Variants in MAP3K20 observed in about 807,000 individuals in gnomAD.
MAP3K20 encodes mitogen-activated protein kinase kinase kinase 20.
A neutral mutation model predicts 85.7 loss-of-function variants in MAP3K20; 40 were observed. The ratio of observed to expected loss-of-function variants is 0.47; its 90% confidence interval spans 0.36 to 0.61. The LOEUF (loss-of-function observed/expected upper bound fraction) is 0.61, where lower values mean the gene tolerates loss of function less well. Ranked by LOEUF, MAP3K20 falls within the 20% of genes least tolerant of loss-of-function variation. The pLI, the probability that MAP3K20 is intolerant of heterozygous loss-of-function variation, is 0.00. For missense variants in MAP3K20, 817 were observed against 961.7 expected (o/e 0.85, Z 1.99); for synonymous variants, 325 against 327.7 (o/e 0.99, Z 0.09).
intron 2 of MAP3K20, among the ~76,000 whole-genome samples, chr2:173,147,326 A>G (rs375052351): frequency 1.6e-3 from 246 of 152,350 alleles, no homozygotes; most frequent in Middle Eastern, 6.8e-3. Flanking sequence ...GTTTTAGCTC[A>G]TACATTCATG....
intron 2 of MAP3K20, among the ~76,000 whole-genome samples, chr2:173,129,431 T>C (rs1369275787): frequency 6.6e-6 from 1 of 152,054 alleles, no homozygotes; most frequent in Non-Finnish European, 1.5e-5. Context: ...TAAGAAAAAA[T>C]GCTGCCAATG....
At chr2:173,221,407 T>C in intron 11 of MAP3K20, 1 of 1,614,024 alleles carries the variant, frequency 6.2e-7, no homozygotes, top group Non-Finnish European at 8.5e-7. Context: ...AAACCACATC[T>C]AAGAGAAGGG....
chr2:173,262,616 A>AG (rs1685323820), intron 18 of MAP3K20, among the ~76,000 whole-genome samples: 1 of 151,960 alleles, frequency 6.6e-6, no homozygotes, highest in Non-Finnish European at 1.5e-5. Context: ...AAAAAAAAAA[A>AG]GAAAAGCAAA....
At chr2:173,209,700 C>T (rs182417621) in intron 9 of MAP3K20, 29 bp from the exon 10 acceptor site, 20 of 1,571,582 alleles carry the variant, frequency 1.3e-5, no homozygotes, top group Admixed American at 1.2e-4. Flanking sequence ...TAAGTCCCAG[C>T]GAATGATTAC....
At chr2:173,217,072 C>T in intron 10 of MAP3K20, 43 bp from the exon 11 acceptor site, 1 of 1,419,074 alleles carries the variant, frequency 7.0e-7, no homozygotes, top group Non-Finnish European at 9.3e-7. Context: ...CGCTTGATGT[C>T]TCTTAAGTAA....
Position 173,159,348 on chromosome 2 carries a change from T to TCTTTCTTTCTTTCTTTC in MAP3K20, c.160-10444_160-10443insTTTCCTTTCTTTCTTTC, listed in dbSNP as rs1553572457. Among the ~76,000 whole-genome samples, 9 of 147,736 alleles carry TCTTTCTTTCTTTCTTTC rather than the reference T, an allele frequency of 6.1e-5. No homozygotes were observed. In the South Asian group the frequency reaches 6.5e-4, roughly 11 times the overall value. On this transcript the variant is annotated intron_variant, in intron 2 of 19. Transcript: ENST00000375213. The stretch of plus-strand genomic sequence containing the variant: ...TACGGGTTGTTTCAATGTATTTTAC[T>TCTTTCTTTCTTTCTTTC]CTTTCTTTCTTTCCTTTCCTTCCTT...
intron 16 of MAP3K20, among the ~76,000 whole-genome samples, chr2:173,256,458 C>T (rs1172198936): frequency 6.6e-6 from 1 of 151,610 alleles, no homozygotes; most frequent in South Asian, 2.1e-4. Flanking sequence ...GAGACACTAA[C>T]TCTAAAAAAG....
intron 3 of MAP3K20, among the ~76,000 whole-genome samples, chr2:173,178,370 G>A (rs1037045788): frequency 8.5e-5 from 13 of 152,178 alleles, no homozygotes; most frequent in African/African-American, 2.2e-4. Context: ...TAGGCTGGGC[G>A]CAGTGGCTCC....
intron 2 of MAP3K20, among the ~76,000 whole-genome samples, chr2:173,132,760 G>C (rs945829012): frequency 3.9e-5 from 6 of 152,158 alleles, no homozygotes; most frequent in African/African-American, 7.2e-5. Context: ...TGTTAGCTTT[G>C]TGACCCAGGG....
chr2:173,197,942 A>C (rs557191114), intron 7 of MAP3K20, 84 bp from the exon 8 acceptor site: 459 of 1,242,952 alleles, frequency 3.7e-4, no homozygotes, highest in Non-Finnish European at 5.0e-4. Flanking sequence ...ATTAGATACA[A>C]TTACATGTTA....
rs189295546 is a variant in MAP3K20 at position 173,094,201 on chromosome 2, G to A, written c.159+3011G>A. On this transcript the variant is annotated intron_variant, in intron 2 of 19. Transcript: ENST00000375213. ...AGAATACTACTATGAACTCTAGTACGTTTTATTCTTCCCCTACACTCACCA... is the reference window on the plus strand; with the variant it reads ...AGAATACTACTATGAACTCTAGTACATTTTATTCTTCCCCTACACTCACCA... 3.3e-3 allele frequency among the ~76,000 whole-genome samples: 501 copies of A among 151,980 alleles called. 2 individuals carry two copies. The highest frequency in any genetic ancestry group is 5.1e-3 in the Non-Finnish European group (344 of 67,936).
intron 2 of MAP3K20, among the ~76,000 whole-genome samples, chr2:173,129,797 A>G (rs767381132): frequency 6.6e-6 from 1 of 152,234 alleles, no homozygotes; most frequent in Non-Finnish European, 1.5e-5. Flanking sequence ...ATTACGCATA[A>G]TCAGAAATTA....
At chr2:173,179,819 A>G (rs185614207) in intron 3 of MAP3K20, among the ~76,000 whole-genome samples, 1,937 of 152,234 alleles carry the variant, frequency 0.013, 23 homozygotes, top group Middle Eastern at 0.024. Flanking sequence ...TTGTATTTCT[A>G]TATACTGAGA....
intron 1 of MAP3K20, among the ~76,000 whole-genome samples, chr2:173,081,103 T>C (rs965974414): frequency 3.3e-5 from 5 of 152,238 alleles, no homozygotes; most frequent in Admixed American, 6.5e-5. Context: ...CTTAAAAATT[T>C]ATGTGGATTT....
At chr2:173,203,959 A>G (rs1468574053) in intron 9 of MAP3K20, 89 bp downstream of exon 9, 1 of 1,236,380 alleles carries the variant, frequency 8.1e-7, no homozygotes, top group African/African-American at 1.5e-5. Context: ...AATAAAATTC[A>G]TTACAAAGCA....
At chr2:173,187,456 G>T in intron 4 of MAP3K20, 102 bp from the exon 5 acceptor site, 1 of 891,504 alleles carries the variant, frequency 1.1e-6, no homozygotes. Flanking sequence ...TAAGACATGT[G>T]AATTAGTTTC....
chr2:173,085,082 A>AT (rs1203826835), intron 1 of MAP3K20, among the ~76,000 whole-genome samples: 3 of 152,206 alleles, frequency 2.0e-5, no homozygotes, highest in Non-Finnish European at 4.4e-5. Flanking sequence ...AAGATTTGAA[A>AT]TTTTTTATTT....
At chr2:173,224,389 A>G in intron 11 of MAP3K20, 1 of 985,364 alleles carries the variant, frequency 1.0e-6, no homozygotes, top group Non-Finnish European at 1.2e-6. Flanking sequence ...ATTTATGTAT[A>G]AATCCATATG....
At chr2:173,255,341 C>T (rs1685133478) in intron 16 of MAP3K20, among the ~76,000 whole-genome samples, 1 of 152,204 alleles carries the variant, frequency 6.6e-6, no homozygotes, top group South Asian at 2.1e-4. Flanking sequence ...CCACCTCTCC[C>T]GCTTGTCTGT....
Sources: allele counts gnomAD v4.1 joint callset (sites outside exome capture counted in the v4.1 genomes callset), GRCh38; gene constraint gnomAD v4.1.1; transcripts MANE v1.5; gene names NCBI Gene and HGNC (gene_info 2026-07-23, HGNC 2026-07-21).